Variants in MAP2K5 observed in about 807,000 individuals in gnomAD.
MAP2K5 encodes the protein dual specificity mitogen-activated protein kinase kinase 5.
MAP2K5 carries 49 observed loss-of-function variants against 83.1 expected under a neutral mutation model. The ratio of observed to expected loss-of-function variants is 0.59; its 90% CI spans 0.47 to 0.75. The LOEUF (loss-of-function observed/expected upper bound fraction) is 0.75. Ranked by LOEUF, MAP2K5 falls within the 30% of genes least tolerant of loss-of-function variation. MAP2K5 has a pLI of 0.00. For missense variants in MAP2K5, 457 were observed against 557.5 expected, an observed-to-expected ratio of 0.82 and a Z score of 1.82; for synonymous variants, 202 against 191.8, an observed-to-expected ratio of 1.05 and a Z score of -0.44.
At chr15:67,754,831 A>G (rs184551950) in intron 19 of MAP2K5, among the ~76,000 whole-genome samples, 1 of 152,308 alleles carries the variant, frequency 6.6e-6, no homozygotes, top group East Asian at 1.9e-4. Flanking sequence ...CATGCCAAAA[A>G]GCGTAGGTGT....
chr15:67,712,227 A>G (rs1188345492), intron 16 of MAP2K5, among the ~76,000 whole-genome samples: 1 of 152,230 alleles, frequency 6.6e-6, no homozygotes, highest in Non-Finnish European at 1.5e-5. Context: ...GGCAGGAGAT[A>G]GCAGAGACTT....
intron 8 of MAP2K5, among the ~76,000 whole-genome samples, chr15:67,624,582 G>A (rs1450581989): frequency 2.7e-5 from 4 of 147,054 alleles, no homozygotes; most frequent in Non-Finnish European, 4.5e-5. Flanking sequence ...TAAACATCAC[G>A]ATCTCTTTGT....
chr15:67,799,269 A>G (rs2090660537), intron 21 of MAP2K5, among the ~76,000 whole-genome samples: 1 of 152,288 alleles, frequency 6.6e-6, no homozygotes. Flanking sequence ...GCATTTGCCC[A>G]GGTATGCTCG....
rs2086976477 is a variant in MAP2K5 at position 67,652,496 on chromosome 15, A to G, written c.736+6027A>G. ...ACACTTTTTAACAACCAAATCTTGC[A>G]GGAACTTAGAGTGAGAGTTCACTTA... is the stretch of plus-strand genomic sequence containing the variant. On this transcript the variant is annotated intron_variant, in intron 11 of 21. Coordinates refer to ENST00000178640, the MANE Select transcript of MAP2K5 (RefSeq NM_145160.3). This position sits in a 1 kb window ranked among gnomAD's most constrained non-coding sequence, Gnocchi z 4.2. Among the ~76,000 whole-genome samples the G allele has an allele frequency of 6.6e-6, 1 of 152,200 alleles. No individual in the cohort carries two copies. Among genetic ancestry groups the G allele is most frequent in the Admixed American group, 6.5e-5 (1 of 15,276 alleles).
chr15:67,680,258 A>G (rs1008285277), intron 13 of MAP2K5, among the ~76,000 whole-genome samples: 11 of 152,316 alleles, frequency 7.2e-5, no homozygotes, highest in African/African-American at 1.7e-4. Context: ...CCACTTTGGG[A>G]CGATTATGAA....
chr15:67,549,016 C>T (rs1482921124), intron 1 of MAP2K5: 20 of 1,444,854 alleles, frequency 1.4e-5, no homozygotes, highest in Admixed American at 2.7e-5. Context: ...AGCCACTCTG[C>T]TAAGTGCCCT....
At position 67,640,744 on chromosome 15, in the gene MAP2K5, A is replaced by G. The variant is rs1472396420; in HGVS notation, c.586-5487A>G. 1 of 202,394 alleles carries G rather than the reference A, an allele frequency of 4.9e-6. No homozygotes were observed. The highest frequency in any genetic ancestry group is 8.8e-6 in the Non-Finnish European group (1 of 113,914). The allele number at this position is 202,394 out of a possible 1,614,324, so 12.5% of individuals were successfully genotyped here. The stretch of plus-strand genomic sequence containing the variant: ...GCTTCTAAATGTTCTTATTTTTTAG[A>G]CAAAAAAGCATATTGTAAATGTTTC... On this transcript the variant is annotated intron_variant, in intron 9 of 21. Transcript: ENST00000178640. This position sits in a 1 kb window ranked among gnomAD's most constrained non-coding sequence, Gnocchi z 4.6.
chr15:67,683,256 C>T (rs1052218904), intron 13 of MAP2K5, among the ~76,000 whole-genome samples: 3 of 152,080 alleles, frequency 2.0e-5, no homozygotes, highest in South Asian at 4.1e-4. Context: ...ATATTTTATG[C>T]AAGAGATAAC....
intron 13 of MAP2K5, among the ~76,000 whole-genome samples, chr15:67,689,227 AATACATACATGC>A (rs1352151014): frequency 3.3e-5 from 5 of 152,322 alleles, no homozygotes; most frequent in African/African-American, 1.2e-4. Context: ...CTGTCTCTGA[AATACATACATGC>A]ATACATACAT....
chr15:67,776,220 A>T (rs552473263), intron 21 of MAP2K5, among the ~76,000 whole-genome samples: 4 of 27,076 alleles, frequency 1.5e-4, no homozygotes, highest in Non-Finnish European at 2.3e-4. Flanking sequence ...CCCCACCTCC[A>T]CTTCTGCCTC....
intron 4 of MAP2K5, 170 bp from the exon 5 acceptor site, chr15:67,585,720 C>A: frequency 1.7e-6 from 1 of 586,516 alleles, no homozygotes; most frequent in South Asian, 2.1e-5. Context: ...CTCACTCCTG[C>A]AAGTTAAAAC....
chr15:67,600,849 G>T, intron 8 of MAP2K5, 100 bp downstream of exon 8: 3 of 788,150 alleles, frequency 3.8e-6, no homozygotes, highest in East Asian at 2.8e-5. Context: ...CTAACACTTA[G>T]ATTTTATTTC....
At chr15:67,608,129 C>G (rs1391138268) in intron 8 of MAP2K5, among the ~76,000 whole-genome samples, 1 of 152,178 alleles carries the variant, frequency 6.6e-6, no homozygotes, top group African/African-American at 2.4e-5. Flanking sequence ...TAGCGCACTT[C>G]TGTGTTGTAG....
chr15:67,742,570 TA>T (rs2089518345), intron 17 of MAP2K5, among the ~76,000 whole-genome samples: 1 of 152,212 alleles, frequency 6.6e-6, no homozygotes, highest in South Asian at 2.1e-4. Context: ...AACTGGATTC[TA>T]AAATAAGGCC....
At chr15:67,578,920 A>G (rs976248416) in intron 3 of MAP2K5, among the ~76,000 whole-genome samples, 2 of 152,208 alleles carry the variant, frequency 1.3e-5, no homozygotes, top group African/African-American at 4.8e-5. Context: ...AGACATCTCT[A>G]TAATTAACTT....
At chr15:67,591,385 T>C (rs2085405356) in intron 6 of MAP2K5, among the ~76,000 whole-genome samples, 1 of 151,356 alleles carries the variant, frequency 6.6e-6, no homozygotes, top group African/African-American at 2.4e-5. Flanking sequence ...ATTATTATTA[T>C]TATTATTGAG....
chr15:67,730,140 G>T (rs1366025851), intron 17 of MAP2K5, among the ~76,000 whole-genome samples: 1 of 152,170 alleles, frequency 6.6e-6, no homozygotes, highest in Non-Finnish European at 1.5e-5. Flanking sequence ...ACTTTTGGTG[G>T]AGTTGGCATT....
At chr15:67,602,132 A>G (rs2085671827) in intron 8 of MAP2K5, among the ~76,000 whole-genome samples, 1 of 152,244 alleles carries the variant, frequency 6.6e-6, no homozygotes, top group South Asian at 2.1e-4. Context: ...CCTGGATCAT[A>G]CTAGCGTTCC....
In MAP2K5 at chr15:67,775,277, C is replaced by G. The variant is rs752791610; in HGVS notation, c.1242+2525C>G. Among the ~76,000 whole-genome samples the G allele has an allele frequency of 1.2e-4, 18 of 152,178 alleles. No homozygotes were observed. The highest frequency in any genetic ancestry group is 4.6e-4 in the Admixed American group (7 of 15,282). ...TCATTTAGTTGTTTAGATATTTTAT[C>G]CCCTCTACTTTGTATGGTTGTTCTT... is the stretch of plus-strand genomic sequence containing the variant. On this transcript the variant is annotated intron_variant, in intron 21 of 21. Transcript: ENST00000178640. This position sits in a 1 kb window ranked among gnomAD's most constrained non-coding sequence, Gnocchi z 5.3.
Sources: gnomAD v4.1 joint callset for allele counts (sites outside exome capture counted in the v4.1 genomes callset) on GRCh38, gnomAD v4.1.1 for gene constraint, Gnocchi (gnomAD v3.1) non-coding constraint, MANE v1.5 for transcripts, NCBI Gene and HGNC (gene_info 2026-07-23, HGNC 2026-07-21) for gene names.